TMEM204: variants seen among roughly 807,000 people sequenced by gnomAD.
The protein encoded by TMEM204 is transmembrane protein 204.
In TMEM204, 15 loss-of-function variants were observed where a neutral mutation model predicts 19.4. That is an observed-to-expected ratio of 0.77 (90% CI 0.52 to 1.19). TMEM204 has a LOEUF of 1.19. TMEM204 is among the 50% of genes most tolerant of loss of function. TMEM204 has a pLI of 0.00. For missense variants in TMEM204, 287 were observed against 321.2 expected, an observed-to-expected ratio of 0.89 and a Z score of 0.81; for synonymous variants, 161 against 146.0, an observed-to-expected ratio of 1.10 and a Z score of -0.74.
upstream of TMEM204, among the ~76,000 whole-genome samples, chr16:1,529,684 C>T (rs551284347): frequency 6.6e-6 from 1 of 152,342 alleles, no homozygotes; most frequent in East Asian, 1.9e-4. Flanking sequence ...TTTCTAACAG[C>T]AGAAAACCAA....
chr16:1,540,419 C>T (rs952408821), intron 1 of TMEM204, among the ~76,000 whole-genome samples: 23 of 152,366 alleles, frequency 1.5e-4, no homozygotes, highest in African/African-American at 5.3e-4. Flanking sequence ...GTGCCTGCCC[C>T]GTGCACGCGT....
At chr16:1,530,976 G>C (rs928359592), upstream of TMEM204, 2 of 152,294 alleles carry the variant, frequency 1.3e-5, no homozygotes, top group African/African-American at 4.8e-5. Flanking sequence ...CCCACGGGAA[G>C]GGCGGTCACA....
chr16:1,535,235 C>T (rs768622364), intron 1 of TMEM204, among the ~76,000 whole-genome samples: 2 of 151,982 alleles, frequency 1.3e-5, no homozygotes, highest in African/African-American at 2.4e-5. Context: ...CCAGGACGCT[C>T]GGAAGGGGAC....
At chr16:1,538,070 C>T (rs1343415750) in intron 1 of TMEM204, among the ~76,000 whole-genome samples, 3 of 152,170 alleles carry the variant, frequency 2.0e-5, no homozygotes, top group African/African-American at 2.4e-5. Context: ...CCCAGGAACC[C>T]GTATAACACC....
intron 1 of TMEM204, chr16:1,541,412 C>G: frequency 2.0e-6 from 2 of 985,388 alleles, no homozygotes; most frequent in Non-Finnish European, 2.4e-6. Context: ...GGAGGGAACA[C>G]CACCATGAGC....
chr16:1,552,900 G>A (rs1054706349), intron 2 of TMEM204: 17 of 895,254 alleles, frequency 1.9e-5, no homozygotes, highest in Non-Finnish European at 2.3e-5. Context: ...TGATCCACCC[G>A]CCTCAGCCTC....
At chr16:1,547,959 G>A (rs2032311182) in intron 2 of TMEM204, among the ~76,000 whole-genome samples, 1 of 152,164 alleles carries the variant, frequency 6.6e-6, no homozygotes, top group African/African-American at 2.4e-5. Flanking sequence ...TGAAGGTGTG[G>A]GCCACTGCAA....
intron 1 of TMEM204, 39 bp downstream of exon 1, chr16:1,534,594 G>C (rs372773972): frequency 6.3e-7 from 1 of 1,595,780 alleles, no homozygotes; most frequent in Admixed American, 1.7e-5. Flanking sequence ...CAGCGTGGCC[G>C]AGGCTCGAGG....
chr16:1,547,135 T>A (rs1259326324), intron 2 of TMEM204, among the ~76,000 whole-genome samples: 1 of 152,166 alleles, frequency 6.6e-6, no homozygotes, highest in Non-Finnish European at 1.5e-5. Context: ...TCTTTCCCAC[T>A]CCCCATTACC....
upstream of TMEM204, chr16:1,531,967 T>G (rs1469790491): frequency 6.6e-6 from 1 of 152,224 alleles, no homozygotes; most frequent in Non-Finnish European, 1.5e-5. This position sits in a 1 kb window ranked among gnomAD's most constrained non-coding sequence, Gnocchi z 4.7. Flanking sequence ...CCCGAAAGAT[T>G]AATGGTTTAG....
intron 1 of TMEM204, among the ~76,000 whole-genome samples, chr16:1,539,941 G>A (rs1035003468): frequency 3.3e-5 from 5 of 152,328 alleles, no homozygotes; most frequent in Middle Eastern, 3.4e-3. Context: ...GGCTGGGGGC[G>A]CCACCCAGGC....
At chr16:1,543,958 A>C (rs550358533) in intron 2 of TMEM204, among the ~76,000 whole-genome samples, 1 of 152,346 alleles carries the variant, frequency 6.6e-6, no homozygotes, top group South Asian at 2.1e-4. Flanking sequence ...AAGCAAAAGC[A>C]ATAGTTTTTG....
intron 1 of TMEM204, among the ~76,000 whole-genome samples, chr16:1,535,256 A>C (rs2030949698): frequency 6.6e-6 from 1 of 152,136 alleles, no homozygotes; most frequent in South Asian, 2.1e-4. Context: ...AGGGATGCTC[A>C]GTGGTTGCAG....
intron 2 of TMEM204, among the ~76,000 whole-genome samples, chr16:1,549,766 A>C (rs1399380686): frequency 6.6e-6 from 1 of 151,976 alleles, no homozygotes; most frequent in East Asian, 1.9e-4. Flanking sequence ...ACAGCTTTCT[A>C]GACTCATGAC....
At chr16:1,538,743 C>T (rs988585394) in intron 1 of TMEM204, among the ~76,000 whole-genome samples, 1 of 152,240 alleles carries the variant, frequency 6.6e-6, no homozygotes, top group South Asian at 2.1e-4. Flanking sequence ...GCCTCCAGAG[C>T]TCACACACGT....
chr16:1,555,036 C>A lies in TMEM204; in HGVS notation c.*10C>A. ...GGAGTCACCATGCTGAGTCGCCCTT[C>A]TCAGCGCTCCATCAACGCACACCTG... On this transcript the variant is annotated 3_prime_UTR_variant, in exon 3 of 3. Transcript: ENST00000566264. 6.2e-7 allele frequency: 1 copy of A among 1,602,174 alleles called. No homozygotes were observed. The highest frequency in any genetic ancestry group is 1.1e-5 in the South Asian group (1 of 90,764).
At position 1,554,764 on chromosome 16, in the gene TMEM204, C is replaced by T; in HGVS notation, c.437-18C>T. ...CTTCCTCTCAGACAAGGCCTCTCAA[C>T]CCTTCTCTCATCTGCAGGTTTTGTC... On this transcript the variant is annotated intron_variant, in intron 2 of 2. Coordinates refer to ENST00000566264, the MANE Select transcript of TMEM204 (RefSeq NM_024600.6). 1 of 1,612,920 alleles carries T rather than the reference C, an allele frequency of 6.2e-7. No individual in the cohort carries two copies. Among genetic ancestry groups the T allele is most frequent in the Non-Finnish European group, 8.5e-7 (1 of 1,179,082 alleles).
At chr16:1,554,743 C>G in intron 2 of TMEM204, 39 bp from the exon 3 acceptor site, 1 of 1,607,446 alleles carries the variant, frequency 6.2e-7, no homozygotes, top group Non-Finnish European at 8.5e-7. Context: ...ACCCGCCTTC[C>G]TCTCAGACAA....
chr16:1,540,479 G>A lies in TMEM204; in HGVS notation c.281-1442G>A, dbSNP rs116941519. On this transcript the variant is annotated intron_variant, in intron 1 of 2. Transcript: ENST00000566264. ...GGCTGGCTTCCCACAGGCGTGCTCT[G>A]AGGAGGCAGCTTGAGGATCTCCCCA... is the stretch of plus-strand genomic sequence containing the variant. 5.5e-3 allele frequency among the ~76,000 whole-genome samples: 832 copies of A among 152,318 alleles called. 4 individuals carry two copies. Among genetic ancestry groups the A allele is most frequent in the Non-Finnish European group, 8.5e-3 (579 of 68,016 alleles).
Sources: allele counts gnomAD v4.1 joint callset (sites outside exome capture counted in the v4.1 genomes callset), GRCh38; gene constraint gnomAD v4.1.1; non-coding constraint Gnocchi (gnomAD v3.1); transcripts MANE v1.5; gene names NCBI Gene and HGNC (gene_info 2026-07-23, HGNC 2026-07-21).